FMN1: variants seen among roughly 807,000 people sequenced by gnomAD.
FMN1 encodes formin-1.
In FMN1, 110 loss-of-function variants were observed where a neutral mutation model predicts 132.4. The ratio of observed to expected loss-of-function variants is 0.83; its 90% CI spans 0.71 to 0.97. FMN1 has a LOEUF of 0.97. Among genes scored for constraint, FMN1 ranks in the 50% least tolerant of loss-of-function variants. The pLI is 0.00. For missense variants in FMN1, 1,792 were observed against 1,705.3 expected (o/e 1.05, Z -0.90); for synonymous variants, 722 against 651.7 (o/e 1.11, Z -1.64).
chr15:33,067,404 T>C, intron 5 of FMN1: 2 of 1,614,044 alleles, frequency 1.2e-6, no homozygotes, highest in Non-Finnish European at 1.7e-6. Context: ...TTGGTGCTGC[T>C]TCCCTCCTCT....
intron 6 of FMN1, among the ~76,000 whole-genome samples, chr15:33,046,129 G>A (rs996983209): frequency 1.3e-5 from 2 of 151,978 alleles, no homozygotes; most frequent in African/African-American, 4.8e-5. Context: ...TTCTATACTT[G>A]TGAAAATATC....
At chr15:33,056,828 C>G (rs939036300) in intron 6 of FMN1, among the ~76,000 whole-genome samples, 1 of 152,108 alleles carries the variant, frequency 6.6e-6, no homozygotes, top group Non-Finnish European at 1.5e-5. Context: ...ACAAGCATAA[C>G]GTTAACAGAA....
At chr15:33,039,710 C>T (rs1199928189) in intron 6 of FMN1, among the ~76,000 whole-genome samples, 3 of 152,038 alleles carry the variant, frequency 2.0e-5, no homozygotes, top group African/African-American at 7.2e-5. Context: ...AGGTATGAGC[C>T]ATCACCTAAA....
intron 4 of FMN1, among the ~76,000 whole-genome samples, chr15:33,127,941 A>AACAGG (rs754323827): frequency 1.3e-5 from 2 of 152,204 alleles, no homozygotes; most frequent in African/African-American, 2.4e-5. Context: ...AAGAGGCAGC[A>AACAGG]ACAGGACAGG....
intron 4 of FMN1, among the ~76,000 whole-genome samples, chr15:33,096,182 G>T (rs993324154): frequency 9.2e-5 from 14 of 152,204 alleles, no homozygotes; most frequent in African/African-American, 3.4e-4. Context: ...ATGGCTGACA[G>T]AAGTTTTTGT....
At chr15:33,123,294 C>CACT (rs774880285) in intron 4 of FMN1, among the ~76,000 whole-genome samples, 4 of 151,972 alleles carry the variant, frequency 2.6e-5, no homozygotes, top group Non-Finnish European at 5.9e-5. Context: ...GGGGTCATGT[C>CACT]ACTCCTTTGC....
intron 17 of FMN1, among the ~76,000 whole-genome samples, chr15:32,847,288 ATG>A (rs35960980): frequency 8.9e-5 from 10 of 112,192 alleles, no homozygotes; most frequent in Admixed American, 5.9e-4. Context: ...GTGTGTGTGT[ATG>A]TGTGTGTGTG....
intron 4 of FMN1, among the ~76,000 whole-genome samples, chr15:33,137,111 A>G (rs866379804): frequency 1.8e-4 from 28 of 151,384 alleles, no homozygotes; most frequent in African/African-American, 3.4e-4. Flanking sequence ...AAAAAAAAAA[A>G]AAAGACAGAA....
intron 9 of FMN1, among the ~76,000 whole-genome samples, chr15:32,953,617 G>C (rs1322276581): frequency 1.3e-5 from 2 of 152,140 alleles, no homozygotes; most frequent in Admixed American, 1.3e-4. Flanking sequence ...GGTCCAGCCA[G>C]ACTATCCTAG....
chr15:33,098,428 T>C (rs1236781931), intron 4 of FMN1, among the ~76,000 whole-genome samples: 2 of 152,166 alleles, frequency 1.3e-5, no homozygotes, highest in African/African-American at 2.4e-5. Context: ...AGAACACTTG[T>C]CTTCTCTAAA....
intron 4 of FMN1, among the ~76,000 whole-genome samples, chr15:33,128,653 G>A (rs946397715): frequency 6.6e-6 from 1 of 152,272 alleles, no homozygotes; most frequent in East Asian, 1.9e-4. Flanking sequence ...CGGTGCGTCC[G>A]GATGCTCCGG....
intron 17 of FMN1, among the ~76,000 whole-genome samples, chr15:32,818,655 C>G (rs1246322313): frequency 6.6e-6 from 1 of 152,078 alleles, no homozygotes; most frequent in Non-Finnish European, 1.5e-5. Flanking sequence ...CTAATATATA[C>G]TACTTATTCT....
chr15:32,997,999 A>T (rs1321060037), intron 7 of FMN1, among the ~76,000 whole-genome samples: 7 of 152,234 alleles, frequency 4.6e-5, no homozygotes. Context: ...TCTGTACCAG[A>T]AGTCACAATC....
chr15:32,789,283 A>G (rs916748584), intron 19 of FMN1, among the ~76,000 whole-genome samples: 9 of 152,256 alleles, frequency 5.9e-5, no homozygotes, highest in Non-Finnish European at 1.2e-4. Context: ...CTGAAGATAC[A>G]GTAAACCCCC....
chr15:32,797,854 T>C (rs11636339), intron 19 of FMN1, among the ~76,000 whole-genome samples: 29,892 of 152,112 alleles, frequency 0.2, 3,832 homozygotes, highest in Admixed American at 0.27. Flanking sequence ...TCTAGAAATA[T>C]ATTATGTATA....
intron 8 of FMN1, among the ~76,000 whole-genome samples, chr15:32,965,402 A>G (rs114623361): frequency 0.016 from 2,442 of 152,174 alleles, 68 homozygotes; most frequent in African/African-American, 0.054. Flanking sequence ...TCCATCTCAA[A>G]AATAATAATA....
intron 17 of FMN1, among the ~76,000 whole-genome samples, chr15:32,805,800 G>A (rs568300417): frequency 6.6e-5 from 10 of 152,004 alleles, no homozygotes; most frequent in Admixed American, 4.6e-4. Context: ...GAATCTTGCC[G>A]CATACTGCCT....
intron 5 of FMN1, among the ~76,000 whole-genome samples, chr15:33,081,825 T>C (rs1332196203): frequency 6.6e-6 from 1 of 152,158 alleles, no homozygotes; most frequent in Non-Finnish European, 1.5e-5. Context: ...GAGGTTCTTA[T>C]TACCGTTTAG....
intron 5 of FMN1, among the ~76,000 whole-genome samples, chr15:33,077,718 G>A (rs927986359): frequency 3.3e-5 from 5 of 150,948 alleles, no homozygotes; most frequent in Admixed American, 3.3e-4. Flanking sequence ...TGGCTGCATG[G>A]GAGAAAATTT....
Sources: allele counts gnomAD v4.1 joint callset (sites outside exome capture counted in the v4.1 genomes callset), GRCh38; gene constraint gnomAD v4.1.1; transcripts MANE v1.5; gene names NCBI Gene and HGNC (gene_info 2026-07-23, HGNC 2026-07-21).